The following RMDN2 variants were observed in gnomAD, a reference collection of about 807,000 sequenced individuals.
The protein encoded by RMDN2 is regulator of microtubule dynamics protein 2.
Under a neutral mutation model 52.8 loss-of-function variants are expected in RMDN2, and 61 were observed. The ratio of observed to expected loss-of-function variants is 1.16; its 90% CI spans 0.94 to 1.43. The LOEUF (loss-of-function observed/expected upper bound fraction) is 1.43, where lower values mean the gene tolerates loss of function less well. Ranked by LOEUF, RMDN2 falls within the 40% of genes most tolerant of loss-of-function variation. The probability of loss-of-function intolerance (pLI) is 0.00; values close to 1 mark genes in which losing one functional copy is unlikely to be tolerated. For missense variants in RMDN2, 592 were observed against 475.3 expected, an observed-to-expected ratio of 1.25 and a Z score of -2.28; for synonymous variants, 180 against 153.1, an observed-to-expected ratio of 1.18 and a Z score of -1.30.
downstream of RMDN2, among the ~76,000 whole-genome samples, chr2:38,018,793 C>T (rs561009284): frequency 1.1e-3 from 167 of 152,108 alleles, no homozygotes; most frequent in Non-Finnish European, 2.0e-3. Context: ...ATAAAGATTC[C>T]CTGCTACCTC....
intron 2 of RMDN2, among the ~76,000 whole-genome samples, chr2:37,946,798 G>A (rs879050405): frequency 1.3e-5 from 2 of 152,052 alleles, no homozygotes; most frequent in African/African-American, 4.8e-5. Flanking sequence ...GGGATTTTTA[G>A]GGTGAGCTTC....
At chr2:38,039,091 CACAG>C (rs59486685) in intron 10 of RMDN2, among the ~76,000 whole-genome samples, 1,462 of 104,188 alleles carry the variant, frequency 0.014, 26 homozygotes, top group African/African-American at 0.034. Context: ...CACACACACA[CACAG>C]AGAGAGAGAT....
At chr2:37,999,385 C>A (rs752217681) in intron 8 of RMDN2, among the ~76,000 whole-genome samples, 2 of 152,010 alleles carry the variant, frequency 1.3e-5, no homozygotes, top group Admixed American at 6.6e-5. Context: ...TGCCTAGCAC[C>A]CAGTAAGTCC....
intron 5 of RMDN2, among the ~76,000 whole-genome samples, chr2:37,987,308 G>A (rs574037400): frequency 4.6e-5 from 7 of 152,100 alleles, no homozygotes; most frequent in South Asian, 2.1e-4. Flanking sequence ...TTCAACAGGC[G>A]AATGAATAAA....
At chr2:38,046,182 A>C (rs1485907307) in intron 10 of RMDN2, among the ~76,000 whole-genome samples, 1 of 152,240 alleles carries the variant, frequency 6.6e-6, no homozygotes, top group Admixed American at 6.5e-5. Flanking sequence ...CTTTCAAGAC[A>C]GTAAAAGTCT....
At chr2:37,990,027 C>CAGCT (rs1446236433) in intron 6 of RMDN2, among the ~76,000 whole-genome samples, 2 of 151,508 alleles carry the variant, frequency 1.3e-5, no homozygotes, top group East Asian at 3.9e-4. Context: ...CCTATAGTCC[C>CAGCT]AGCTACTCAG....
At chr2:37,940,952 C>G (rs1667733858) in intron 2 of RMDN2, among the ~76,000 whole-genome samples, 1 of 152,192 alleles carries the variant, frequency 6.6e-6, no homozygotes, top group Admixed American at 6.5e-5. Context: ...GAGTTGCGAT[C>G]CTTTGGATGA....
intron 2 of RMDN2, among the ~76,000 whole-genome samples, chr2:37,933,634 T>C (rs1248155112): frequency 1.3e-5 from 2 of 152,192 alleles, no homozygotes; most frequent in African/African-American, 4.8e-5. Context: ...CAGTCAGGCG[T>C]GGCGGCGTGC....
At chr2:38,006,591 A>C (rs1221065464) in intron 10 of RMDN2, among the ~76,000 whole-genome samples, 2 of 152,208 alleles carry the variant, frequency 1.3e-5, no homozygotes, top group Non-Finnish European at 2.9e-5. Flanking sequence ...CTATCAGCTT[A>C]AGGAGATTTT....
chr2:37,929,601 A>G lies in RMDN2; in HGVS notation c.324A>G (p.Gln108=). The change falls in exon 2 of 11, where the codon CAA becomes CAG. Residue 108 remains glutamine, a synonymous_variant. Transcript: ENST00000354545. Reference sequence around the variant, plus strand: ...TTCCAAAGCTGGAGGAATATATACAAGATGAACTTGGAGGGAAAATAACTG... The same window carrying G: ...TTCCAAAGCTGGAGGAATATATACAGGATGAACTTGGAGGGAAAATAACTG... ...EAIPKLEEYI[Q]DELGGKITVH... 11 of 1,551,738 alleles carry G rather than the reference A, an allele frequency of 7.1e-6. No homozygotes were observed. Among genetic ancestry groups the G allele is most frequent in the African/African-American group, 1.4e-5 (1 of 73,176 alleles).
At chr2:38,032,657 T>A (rs538152648) in intron 10 of RMDN2, among the ~76,000 whole-genome samples, 2 of 152,120 alleles carry the variant, frequency 1.3e-5, no homozygotes, top group Non-Finnish European at 2.9e-5. Context: ...CTGGCCAACA[T>A]GGGGAAACCC....
intron 8 of RMDN2, among the ~76,000 whole-genome samples, chr2:38,002,003 C>T (rs750926205): frequency 4.6e-5 from 7 of 152,168 alleles, no homozygotes; most frequent in Non-Finnish European, 8.8e-5. Context: ...TTTCATTCCA[C>T]GCCCAGACAC....
At chr2:37,974,721 G>A (rs1672243582) in intron 3 of RMDN2, 1 of 152,602 alleles carries the variant, frequency 6.6e-6, no homozygotes, top group South Asian at 2.1e-4. Context: ...CTATTTGTCT[G>A]AGGATTTAGC....
intron 2 of RMDN2, among the ~76,000 whole-genome samples, chr2:37,945,311 A>G (rs981014175): frequency 3.9e-5 from 6 of 152,222 alleles, no homozygotes; most frequent in African/African-American, 9.6e-5. Context: ...CTGAGCAGCC[A>G]CTATGAACTA....
intron 3 of RMDN2, among the ~76,000 whole-genome samples, 171 bp downstream of exon 3, chr2:37,974,385 T>A (rs147445788): frequency 0.011 from 1,743 of 152,084 alleles, 34 homozygotes; most frequent in African/African-American, 0.04. Flanking sequence ...TTATTTAAGA[T>A]GCATAAAATT....
At chr2:37,922,741 A>C (rs1474433898), upstream of RMDN2, among the ~76,000 whole-genome samples, 1 of 152,232 alleles carries the variant, frequency 6.6e-6, no homozygotes, top group Non-Finnish European at 1.5e-5. Context: ...GGCATGGATG[A>C]ATACTTCTTA....
chr2:37,960,853 C>A (rs1032172141), intron 2 of RMDN2, among the ~76,000 whole-genome samples: 2 of 152,160 alleles, frequency 1.3e-5, no homozygotes, highest in Non-Finnish European at 2.9e-5. Context: ...ATATTTAATG[C>A]TTCCTTCAGG....
intron 4 of RMDN2, among the ~76,000 whole-genome samples, chr2:37,978,929 C>T (rs1022465109): frequency 6.6e-6 from 1 of 152,104 alleles, no homozygotes; most frequent in Non-Finnish European, 1.5e-5. Context: ...TAGGTAAAAT[C>T]GCTCTGGATC....
chr2:37,930,461 C>T (rs1462591037), intron 2 of RMDN2, among the ~76,000 whole-genome samples: 1 of 152,166 alleles, frequency 6.6e-6, no homozygotes, highest in Non-Finnish European at 1.5e-5. Flanking sequence ...CTTTTCCTTG[C>T]AAAATGCCTG....
Sources: gnomAD v4.1 joint callset for allele counts (sites outside exome capture counted in the v4.1 genomes callset) on GRCh38, gnomAD v4.1.1 for gene constraint, MANE v1.5 for transcripts, NCBI Gene and HGNC (gene_info 2026-07-23, HGNC 2026-07-21) for gene names.